Variants in DNAH8 observed in about 807,000 individuals in gnomAD.
DNAH8 encodes axonemal beta dynein heavy chain 8.
DNAH8 carries 382 observed loss-of-function variants against 562.1 expected under a neutral mutation model. That is an observed-to-expected ratio of 0.68 (90% CI 0.63 to 0.74). DNAH8 has a LOEUF of 0.74. Among genes scored for constraint, DNAH8 ranks in the 30% least tolerant of loss-of-function variants. DNAH8 has a pLI of 0.00. For synonymous variants in DNAH8, 1,881 were observed against 1,919.4 expected (o/e 0.98, Z 0.52); for missense variants, 5,203 against 5,620.4 (o/e 0.93, Z 2.37).
chr6:38,989,989 CT>C, intron 87 of DNAH8, 22 bp from the exon 88 acceptor site: 1 of 1,455,624 alleles, frequency 6.9e-7, no homozygotes, highest in Non-Finnish European at 9.4e-7. Flanking sequence ...AATTTTATTT[CT>C]TTTGTTTTCT....
intron 92 of DNAH8, among the ~76,000 whole-genome samples, chr6:39,026,933 C>G (rs892474357): frequency 6.6e-6 from 1 of 152,138 alleles, no homozygotes; most frequent in African/African-American, 2.4e-5. Context: ...GCTAAAAAGG[C>G]TTTTTGGCCA....
chr6:38,953,786 TAAA>T (rs912868219), intron 82 of DNAH8, among the ~76,000 whole-genome samples: 10 of 151,920 alleles, frequency 6.6e-5, no homozygotes, highest in African/African-American at 2.2e-4. Flanking sequence ...ATCTGGATAA[TAAA>T]TAATCATAGA....
chr6:38,881,568 G>A (rs936448001), intron 53 of DNAH8, among the ~76,000 whole-genome samples: 1 of 50,850 alleles, frequency 2.0e-5, no homozygotes, highest in Non-Finnish European at 4.2e-5. Flanking sequence ...TTTTTTTTTT[G>A]AGACGGAGTT....
intron 9 of DNAH8, among the ~76,000 whole-genome samples, chr6:38,754,701 T>C (rs1409821025): frequency 2.6e-5 from 4 of 152,180 alleles, no homozygotes; most frequent in Admixed American, 2.0e-4. Flanking sequence ...CTCCACTATG[T>C]AACTTACAGC....
chr6:38,906,836 C>G (rs1164431291), intron 63 of DNAH8, among the ~76,000 whole-genome samples: 1 of 152,118 alleles, frequency 6.6e-6, no homozygotes, highest in Non-Finnish European at 1.5e-5. Context: ...ACTCACCAGA[C>G]TCAGCATATA....
rs1782103426 is a variant in DNAH8, at chr6:38,926,165, A to G, written c.11073A>G (p.Gln3691=). The G allele has an allele frequency of 6.2e-7, 1 of 1,613,772 alleles. No homozygotes were observed. The highest frequency in any genetic ancestry group is 1.7e-5 in the Admixed American group (1 of 59,996). The change falls in exon 74 of 93, where the codon CAA becomes CAG. Residue 3691 remains glutamine (Q), a synonymous_variant. Coordinates refer to ENST00000327475, the MANE Select transcript of DNAH8 (RefSeq NM_001206927.2). ...RYPLLIDPQT[Q]GKTWIKSKEK... ...CACTCCTCATAGACCCACAAACTCAAGGCAAAACTTGGATTAAATCAAAGG... is the reference window on the plus strand; with the variant it reads ...CACTCCTCATAGACCCACAAACTCAGGGCAAAACTTGGATTAAATCAAAGG...
At chr6:38,986,074 T>C (rs1764374746) in intron 87 of DNAH8, among the ~76,000 whole-genome samples, 1 of 152,228 alleles carries the variant, frequency 6.6e-6, no homozygotes, top group African/African-American at 2.4e-5. Flanking sequence ...CATAGTCATA[T>C]CAAGTGTGTG....
rs769282830 is a variant in DNAH8, at chr6:38,990,155, C to T, written c.13197C>T (p.His4399=). 6 of 1,605,996 alleles carry T rather than the reference C, an allele frequency of 3.7e-6. No homozygotes were observed. In the South Asian group the frequency reaches 6.7e-5, roughly 18 times the overall value. ...ATAACCCTGAAGTCTTTGGGCTTCA[C>T]CCTAATGCTGATATCACGTAAGTCC... The part of the protein sequence containing the change: ...SLDNPEVFGL[H]PNADITYQSN... Residue 4399 remains histidine (H), a synonymous_variant, in exon 88 of 93, where the codon CAC becomes CAT. Transcript: ENST00000327475.
At chr6:38,971,495 A>G (rs1763348756) in intron 82 of DNAH8, 97 bp from the exon 83 acceptor site, 2 of 714,608 alleles carry the variant, frequency 2.8e-6, no homozygotes, top group East Asian at 3.0e-5. Context: ...TTTAGAAACA[A>G]TAGAAGGAGG....
intron 88 of DNAH8, among the ~76,000 whole-genome samples, chr6:38,991,818 T>C (rs1291702626): frequency 6.6e-6 from 1 of 152,180 alleles, no homozygotes; most frequent in Non-Finnish European, 1.5e-5. Context: ...TTTTACCTCT[T>C]CTAGTCTTTG....
At chr6:38,761,632 G>T (rs1766524797) in intron 10 of DNAH8, 70 bp from the exon 11 acceptor site, 4 of 919,790 alleles carry the variant, frequency 4.3e-6, no homozygotes, top group Non-Finnish European at 6.2e-6. Flanking sequence ...TATGCTTGTG[G>T]TTTGAAATTT....
chr6:38,950,737 C>T (rs1761843293), intron 81 of DNAH8, among the ~76,000 whole-genome samples: 1 of 152,028 alleles, frequency 6.6e-6, no homozygotes. Context: ...CCGTGCCTGG[C>T]CAGGGCTACT....
In DNAH8 at chr6:38,838,052, G is replaced by C. The variant is rs755317508; in HGVS notation, c.4466+10G>C. The C allele has an allele frequency of 3.7e-5, 57 of 1,553,766 alleles. 1 individual carries two copies. The South Asian group carries it at 5.8e-4, about 16-fold the overall frequency. ...TTTTACACAAAACCAGGTAAGTTTAGAAAATAAGCAAGTATTACATGCAAA... is the reference window on the plus strand; with the variant it reads ...TTTTACACAAAACCAGGTAAGTTTACAAAATAAGCAAGTATTACATGCAAA... On this transcript the variant is annotated intron_variant, in intron 33 of 92. Coordinates refer to ENST00000327475, the MANE Select transcript of DNAH8 (RefSeq NM_001206927.2).
rs1199366350 is a variant in DNAH8 at position 38,918,090 on chromosome 6, C to T, written c.10474C>T (p.Leu3492Phe). The change falls in exon 70 of 93, where the codon CTT becomes TTT. Residue 3492 changes from leucine to phenylalanine, a missense_variant. Physicochemically the swap from Leu to Phe is conservative, Grantham distance 22 (BLOSUM62 0). This residue lies in a region of DNAH8 where 1,399 missense variants were observed against 1,518.4 expected (regional missense o/e 0.92). Coordinates refer to ENST00000327475, the MANE Select transcript of DNAH8 (RefSeq NM_001206927.2). The stretch of plus-strand genomic sequence containing the variant: ...TGTGGCTGGTCTCCTGTCTTGGACA[C>T]TTGCTATGGCAATATTTTATGGCAT... The part of the protein sequence containing the change: ...GNVAGLLSWT[L>F]AMAIFYGINR... 6.8e-6 allele frequency: 11 copies of T among 1,613,782 alleles called. No homozygotes were observed. The highest frequency in any genetic ancestry group is 9.3e-6 in the Non-Finnish European group (11 of 1,179,836).
intron 82 of DNAH8, among the ~76,000 whole-genome samples, chr6:38,971,060 C>T (rs1763305712): frequency 6.6e-6 from 1 of 152,158 alleles, no homozygotes; most frequent in Admixed American, 6.5e-5. Flanking sequence ...CAGGGCTGAA[C>T]TGTCTCAAAT....
In DNAH8 at chr6:38,894,337, A is replaced by G. The variant is rs146560216; in HGVS notation, c.8584-364A>G. Among the ~76,000 whole-genome samples, 452 of 152,350 alleles carry G rather than the reference A, an allele frequency of 3.0e-3. 3 individuals are homozygous for G. Among genetic ancestry groups the G allele is most frequent in the African/African-American group, 0.01 (416 of 41,578 alleles). On this transcript the variant is annotated intron_variant, in intron 58 of 92. Transcript: ENST00000327475. Reference sequence around the variant, plus strand: ...ACTCACGTTCAGTTTTTGTTATGACATATTTCCACATATACTACCAATAAT... The same window carrying G: ...ACTCACGTTCAGTTTTTGTTATGACGTATTTCCACATATACTACCAATAAT...
chr6:38,769,012 A>G (rs978129699), intron 11 of DNAH8, among the ~76,000 whole-genome samples: 1 of 152,216 alleles, frequency 6.6e-6, no homozygotes, highest in African/African-American at 2.4e-5. Context: ...TTAAGGTCCT[A>G]AAGATTACTA....
At chr6:38,831,160 C>T (rs1773799393) in intron 30 of DNAH8, among the ~76,000 whole-genome samples, 1 of 152,086 alleles carries the variant, frequency 6.6e-6, no homozygotes, top group Non-Finnish European at 1.5e-5. Flanking sequence ...CATGGTGGCT[C>T]ACACTTGTAA....
At chr6:39,028,306 G>A (rs1261178173) in intron 92 of DNAH8, among the ~76,000 whole-genome samples, 1 of 152,182 alleles carries the variant, frequency 6.6e-6, no homozygotes, top group East Asian at 1.9e-4. Flanking sequence ...AAACAACAGA[G>A]ATCTATTCTC....
Sources: gnomAD v4.1 joint callset for allele counts (sites outside exome capture counted in the v4.1 genomes callset) on GRCh38, gnomAD v4.1.1 for gene constraint, gnomAD v4.1.1 regional missense constraint, MANE v1.5 for transcripts, NCBI Gene and HGNC (gene_info 2026-07-23, HGNC 2026-07-21) for gene names.